Variants in EFCAB14 observed in about 807,000 individuals in gnomAD.
The protein encoded by EFCAB14 is EF-hand calcium-binding domain-containing protein 14.
Under a neutral mutation model 56.5 loss-of-function variants are expected in EFCAB14, and 43 were observed. The ratio of observed to expected loss-of-function variants is 0.76; its 90% confidence interval spans 0.60 to 0.98. EFCAB14 has a LOEUF of 0.98. EFCAB14 is among the 50% of genes least tolerant of loss of function. The pLI is 0.00. For synonymous variants in EFCAB14, 235 were observed against 212.9 expected (o/e 1.10, Z -0.90); for missense variants, 538 against 580.3 (o/e 0.93, Z 0.75).
At chr1:46,698,658 A>G (rs2148846211) in intron 3 of EFCAB14, among the ~76,000 whole-genome samples, 1 of 152,324 alleles carries the variant, frequency 6.6e-6, no homozygotes, top group South Asian at 2.1e-4. Flanking sequence ...CCAGTACAGG[A>G]AAGAGCTTGG....
intron 3 of EFCAB14, among the ~76,000 whole-genome samples, chr1:46,699,154 G>A (rs150732298): frequency 6.6e-5 from 10 of 152,288 alleles, no homozygotes; most frequent in East Asian, 1.9e-4. Flanking sequence ...AGCATTAAAC[G>A]TGATACTGAA....
intron 9 of EFCAB14, chr1:46,684,269 A>T: frequency 1.9e-6 from 1 of 515,592 alleles, no homozygotes; most frequent in Non-Finnish European, 3.4e-6. Flanking sequence ...TTCTATTTCC[A>T]GCTAAACATT....
At position 46,708,391 on chromosome 1, in the gene EFCAB14, C is replaced by T. The variant is rs144645389; in HGVS notation, c.335-340G>A. 4.6e-5 allele frequency among the ~76,000 whole-genome samples: 7 copies of T among 152,224 alleles called. No individual in the cohort carries two copies. The East Asian group carries it at 7.7e-4, about 17-fold the overall frequency. ...CTCAGTTTCCTCATCTGTAATACAG[C>T]GATAAAATATACTTTCACAGGACTG... On this transcript the variant is annotated intron_variant, in intron 2 of 10. Coordinates refer to ENST00000371933, the MANE Select transcript of EFCAB14 (RefSeq NM_014774.3).
At chr1:46,690,042 C>G (rs890913761) in intron 5 of EFCAB14, among the ~76,000 whole-genome samples, 1 of 152,206 alleles carries the variant, frequency 6.6e-6, no homozygotes, top group Non-Finnish European at 1.5e-5. Context: ...CAGGGACCAA[C>G]TCGGTCTCAA....
rs372724853 is a variant in EFCAB14 at position 46,705,239 on chromosome 1, C to T, written c.480+2667G>A. 1.4e-4 allele frequency among the ~76,000 whole-genome samples: 21 copies of T among 152,278 alleles called. 1 individual carries two copies. Among genetic ancestry groups the T allele is most frequent in the South Asian group, 8.3e-4 (4 of 4,822 alleles). ...TCCCATCACCAATGCTCTGGGCCTG[C>T]GCTCATGGTGAAGTCCTCTGTTATC... On this transcript the variant is annotated intron_variant, in intron 3 of 10. Coordinates refer to ENST00000371933, the MANE Select transcript of EFCAB14 (RefSeq NM_014774.3).
intron 3 of EFCAB14, among the ~76,000 whole-genome samples, chr1:46,703,113 CTT>C (rs5773921): frequency 1.4e-5 from 2 of 146,670 alleles, no homozygotes; most frequent in Non-Finnish European, 1.5e-5. Context: ...TCTGCTCGTA[CTT>C]TTTTTTTTTT....
In EFCAB14 at chr1:46,676,697, A is replaced by T. The variant is rs1272665079; in HGVS notation, c.*1764T>A. ...GGTGAGAGTTATTTTCAAGTTACCT[A>T]AAGTGCCAGGCTAATTTGTTTTAAC... On this transcript the variant is annotated 3_prime_UTR_variant, in exon 11 of 11. Transcript: ENST00000371933. 6.6e-6 allele frequency: 1 copy of T among 152,636 alleles called. No homozygotes were observed. The highest frequency in any genetic ancestry group is 1.9e-4 in the East Asian group (1 of 5,208). 9.5% of individuals were successfully genotyped at this position (152,636 alleles called of 1,614,324 possible). A position where few individuals can be genotyped will look rare whatever the true frequency, so the allele number is the denominator to read the frequency against.
chr1:46,701,488 T>C (rs1053251846), intron 3 of EFCAB14, among the ~76,000 whole-genome samples: 6 of 152,182 alleles, frequency 3.9e-5, no homozygotes, highest in African/African-American at 1.4e-4. Flanking sequence ...GTTCTTTGGG[T>C]AAAAACTCTT....
intron 3 of EFCAB14, among the ~76,000 whole-genome samples, chr1:46,701,969 G>A (rs1291721399): frequency 6.6e-6 from 1 of 152,206 alleles, no homozygotes; most frequent in Non-Finnish European, 1.5e-5. Context: ...ATGGAGATGA[G>A]GCACCCTCCC....
chr1:46,716,660 G>A (rs1210065947), intron 1 of EFCAB14, among the ~76,000 whole-genome samples: 3 of 152,190 alleles, frequency 2.0e-5, no homozygotes, highest in African/African-American at 7.2e-5. Flanking sequence ...ACATAAAACA[G>A]AAGGAGTTCC....
chr1:46,684,565 CT>C lies in EFCAB14; in HGVS notation c.1111del (p.Arg371GlufsTer6). The stretch of plus-strand genomic sequence containing the variant: ...AGCACTGATCAGCTGGAGTTTCTCT[CT>C]TAGCTTGGATACCTGAGAATTTGAA... ...DSSNSQVSKL[R>X]EKLQLISALT... On this transcript the variant is annotated frameshift_variant, in exon 9 of 11. Coordinates refer to ENST00000371933, the MANE Select transcript of EFCAB14 (RefSeq NM_014774.3). LOFTEE classifies it high-confidence loss of function. 1.9e-6 allele frequency: 3 copies of C among 1,614,064 alleles called. No individual in the cohort carries two copies. The South Asian group carries it at 3.3e-5, about 18-fold the overall frequency.
chr1:46,689,751 T>A, intron 5 of EFCAB14, 60 bp from the exon 6 acceptor site: 2 of 1,425,200 alleles, frequency 1.4e-6, no homozygotes, highest in Non-Finnish European at 2.0e-6. Context: ...TACTTAACTA[T>A]CTGAGATTGT....
At position 46,679,990 on chromosome 1, in the gene EFCAB14, A is replaced by G. The variant is rs527460738; in HGVS notation, c.1313-1354T>C. 1.1e-4 allele frequency among the ~76,000 whole-genome samples: 16 copies of G among 152,114 alleles called. No homozygotes were observed. In the East Asian group the frequency reaches 2.9e-3, roughly 28 times the overall value. On this transcript the variant is annotated intron_variant, in intron 10 of 10. Coordinates refer to ENST00000371933, the MANE Select transcript of EFCAB14 (RefSeq NM_014774.3). ...AAATTAAGCAGCTCAAGAACCAGTG[A>G]CTCAAAAGTGTAATGAGATACCATG...
intron 10 of EFCAB14, among the ~76,000 whole-genome samples, chr1:46,679,097 A>C (rs1418296169): frequency 6.6e-6 from 1 of 152,212 alleles, no homozygotes; most frequent in East Asian, 1.9e-4. Context: ...GAGTTATGTG[A>C]TAGGAGCTAG....
At chr1:46,689,521 C>T in intron 6 of EFCAB14, 66 bp downstream of exon 6, 1 of 1,509,686 alleles carries the variant, frequency 6.6e-7, no homozygotes, top group Non-Finnish European at 9.2e-7. Flanking sequence ...ACACTAAGCC[C>T]AAACTATTTG....
chr1:46,704,928 C>T (rs1307457206), intron 3 of EFCAB14, among the ~76,000 whole-genome samples: 1 of 147,544 alleles, frequency 6.8e-6, no homozygotes, highest in Non-Finnish European at 1.5e-5. Flanking sequence ...TTAACTTCAA[C>T]TTACATTGTG....
In EFCAB14 at chr1:46,717,884, A is replaced by C; in HGVS notation, c.185+19T>G. On this transcript the variant is annotated intron_variant, in intron 1 of 10. Transcript: ENST00000371933. ...CAAGGAGATGCCTTCTTCCCATTCC[A>C]CCTTTCACCACTACTCACTTGGCAA... The C allele has an allele frequency of 6.2e-7, 1 of 1,605,312 alleles. No homozygotes were observed. The highest frequency in any genetic ancestry group is 8.5e-7 in the Non-Finnish European group (1 of 1,174,516).
At chr1:46,709,860 T>C (rs775013352) in intron 2 of EFCAB14, among the ~76,000 whole-genome samples, 26 of 152,104 alleles carry the variant, frequency 1.7e-4, no homozygotes, top group Admixed American at 3.9e-4. Context: ...TGGTGGGGCA[T>C]GCCTGTAATC....
rs192662057 is a variant in EFCAB14, at chr1:46,711,511, G to A, written c.335-3460C>T. Among the ~76,000 whole-genome samples the A allele has an allele frequency of 6.8e-4, 103 of 152,330 alleles. 1 individual carries two copies. The highest frequency in any genetic ancestry group is 6.8e-3 in the Middle Eastern group (2 of 294). On this transcript the variant is annotated intron_variant, in intron 2 of 10. Coordinates refer to ENST00000371933, the MANE Select transcript of EFCAB14 (RefSeq NM_014774.3). ...GGATCCTGAGGACTCTATGAGCCAA[G>A]AGGGGATCACAATGATTATCTGGTT...
Sources: allele counts gnomAD v4.1 joint callset (sites outside exome capture counted in the v4.1 genomes callset), GRCh38; gene constraint gnomAD v4.1.1; transcripts MANE v1.5; gene names NCBI Gene and HGNC (gene_info 2026-07-23, HGNC 2026-07-21).